Variants in OPN5 observed in about 807,000 individuals in gnomAD.
OPN5 encodes the protein opsin-5.
Under a neutral mutation model 41.7 loss-of-function variants are expected in OPN5, and 18 were observed. That is an observed-to-expected ratio of 0.43 (90% confidence interval 0.30 to 0.64). The LOEUF is 0.64. OPN5 is among the 30% of genes least tolerant of loss of function. OPN5 has a pLI of 0.13. For missense variants in OPN5, 318 were observed against 434.5 expected (o/e 0.73, Z 2.38); for synonymous variants, 178 against 164.3 (o/e 1.08, Z -0.64).
chr6:47,792,294 G>A (rs554674733), intron 3 of OPN5, among the ~76,000 whole-genome samples: 1 of 152,328 alleles, frequency 6.6e-6, no homozygotes, highest in East Asian at 1.9e-4. Flanking sequence ...CATCGAAAGG[G>A]TGTTAAGTCC....
chr6:47,816,109 A>G (rs1762421301), intron 6 of OPN5, among the ~76,000 whole-genome samples: 1 of 152,146 alleles, frequency 6.6e-6, no homozygotes, highest in Non-Finnish European at 1.5e-5. Flanking sequence ...ACATCTACAT[A>G]GGCAAATACT....
intron 6 of OPN5, among the ~76,000 whole-genome samples, chr6:47,815,888 T>C (rs907268036): frequency 6.6e-6 from 1 of 152,162 alleles, no homozygotes; most frequent in Non-Finnish European, 1.5e-5. Context: ...AAAAGTACTT[T>C]AAGAAATTTC....
At chr6:47,782,783 A>T (rs9349432) in intron 1 of OPN5, among the ~76,000 whole-genome samples, 117,351 of 152,018 alleles carry the variant, frequency 0.77, 45,537 homozygotes, top group East Asian at 0.93. Flanking sequence ...GGGTCAAAAG[A>T]TTTTTGTGCA....
intron 4 of OPN5, among the ~76,000 whole-genome samples, chr6:47,797,070 C>G (rs1773596952): frequency 6.6e-6 from 1 of 152,078 alleles, no homozygotes; most frequent in African/African-American, 2.4e-5. Flanking sequence ...AAGTCCTGCC[C>G]CCATGATTCG....
rs934455777 is a variant in OPN5 at position 47,801,727 on chromosome 6, C to T, written c.756+6164C>T. 1.4e-4 allele frequency among the ~76,000 whole-genome samples: 21 copies of T among 152,070 alleles called. No individual in the cohort carries two copies. In the East Asian group the frequency reaches 4.0e-3, roughly 29 times the overall value. On this transcript the variant is annotated intron_variant, in intron 4 of 6. Transcript: ENST00000371211. Reference sequence around the variant, plus strand: ...ACAATTTTTAATTAATTTACGATTTCATACCTATTTTGGGGATTATTTGTT... The same window carrying T: ...ACAATTTTTAATTAATTTACGATTTTATACCTATTTTGGGGATTATTTGTT...
chr6:47,784,952 A>G (rs570023014), intron 1 of OPN5, among the ~76,000 whole-genome samples: 2 of 152,210 alleles, frequency 1.3e-5, no homozygotes, highest in Non-Finnish European at 2.9e-5. Flanking sequence ...TCTATAACAT[A>G]TATATATTGC....
At chr6:47,813,955 G>T (rs149908453) in intron 6 of OPN5, among the ~76,000 whole-genome samples, 1 of 151,878 alleles carries the variant, frequency 6.6e-6, no homozygotes, top group Non-Finnish European at 1.5e-5. Context: ...TGTTGAATGC[G>T]GAGCATTTGC....
chr6:47,815,121 C>G (rs776315407), intron 6 of OPN5, among the ~76,000 whole-genome samples: 47 of 152,146 alleles, frequency 3.1e-4, no homozygotes, highest in African/African-American at 8.7e-4. Flanking sequence ...ATCATAAAGT[C>G]TAAATATATT....
At chr6:47,818,991 A>C (rs1479656109) in intron 6 of OPN5, among the ~76,000 whole-genome samples, 2 of 152,054 alleles carry the variant, frequency 1.3e-5, no homozygotes, top group Non-Finnish European at 2.9e-5. Context: ...AGCCCTGCAA[A>C]TGAAGACAGA....
At chr6:47,807,120 G>A (rs1277223282) in intron 4 of OPN5, among the ~76,000 whole-genome samples, 3 of 152,216 alleles carry the variant, frequency 2.0e-5, no homozygotes, top group African/African-American at 7.2e-5. Flanking sequence ...TTGCGCCACT[G>A]CATTCCAGCC....
intron 6 of OPN5, among the ~76,000 whole-genome samples, chr6:47,819,354 A>ACATATATATATATATATATATATAAAT (rs1389298718): frequency 3.4e-5 from 2 of 59,042 alleles, no homozygotes; most frequent in African/African-American, 9.9e-5. Context: ...TATATATATA[A>ACATATATATATATATATATATATAAAT]AAAATATATT....
chr6:47,820,503 T>C (rs1290385465), intron 6 of OPN5, among the ~76,000 whole-genome samples: 1 of 152,244 alleles, frequency 6.6e-6, no homozygotes, highest in Non-Finnish European at 1.5e-5. Context: ...TAATTCTATT[T>C]CCTTGCTTGA....
intron 4 of OPN5, among the ~76,000 whole-genome samples, chr6:47,796,472 T>A (rs1323577498): frequency 6.6e-6 from 1 of 152,208 alleles, no homozygotes; most frequent in African/African-American, 2.4e-5. Flanking sequence ...GCCATCAATA[T>A]AAATGACATA....
intron 5 of OPN5, among the ~76,000 whole-genome samples, chr6:47,810,533 A>G (rs16876570): frequency 0.038 from 5,624 of 146,406 alleles, 671 homozygotes; most frequent in East Asian, 0.3. Context: ...AACTGGATTA[A>G]TCAATATCCT....
rs141350856 is a variant in OPN5, at chr6:47,799,978, C to T, written c.756+4415C>T. ...TCCCCACACTCAAAACCCTTTTTCT[C>T]AATTATTTTCTCTCCTGGGAGTTTC... is the stretch of plus-strand genomic sequence containing the variant. On this transcript the variant is annotated intron_variant, in intron 4 of 6. Coordinates refer to ENST00000371211, the Ensembl canonical transcript of OPN5. 2.9e-4 allele frequency among the ~76,000 whole-genome samples: 44 copies of T among 152,272 alleles called. No homozygotes were observed. In the East Asian group the frequency reaches 7.1e-3, roughly 25 times the overall value.
chr6:47,806,706 C>A (rs954051440), intron 4 of OPN5, among the ~76,000 whole-genome samples: 2 of 152,222 alleles, frequency 1.3e-5, no homozygotes, highest in African/African-American at 4.8e-5. Context: ...AACCCTGAAT[C>A]TTTCTTTCCT....
chr6:47,825,286 T>C (rs1268842029), downstream of OPN5: 1 of 152,226 alleles, frequency 6.6e-6, no homozygotes, highest in Non-Finnish European at 1.5e-5. Flanking sequence ...GTACCTTTAA[T>C]TGGGCATAAT....
chr6:47,808,515 G>A, intron 5 of OPN5, 120 bp downstream of exon 5: 1 of 1,068,506 alleles, frequency 9.4e-7, no homozygotes, highest in Non-Finnish European at 1.4e-6. Context: ...GAGTAGTGTA[G>A]GAAGGACTTT....
intron 6 of OPN5, among the ~76,000 whole-genome samples, chr6:47,818,759 A>G (rs1388960152): frequency 6.6e-6 from 1 of 152,212 alleles, no homozygotes; most frequent in Admixed American, 6.5e-5. Context: ...GAAAATCAGC[A>G]GTCAGGTCAG....
Sources: allele counts gnomAD v4.1 joint callset (sites outside exome capture counted in the v4.1 genomes callset), GRCh38; gene constraint gnomAD v4.1.1; transcripts MANE v1.5; gene names NCBI Gene and HGNC (gene_info 2026-07-23, HGNC 2026-07-21).